Variants in CECR2 observed in about 807,000 individuals in gnomAD.
The protein encoded by CECR2 is chromatin remodeling regulator CECR2.
Under a neutral mutation model 154.5 loss-of-function variants are expected in CECR2, and 30 were observed. That is an observed-to-expected ratio of 0.19 (90% CI 0.15 to 0.26). The LOEUF (loss-of-function observed/expected upper bound fraction) is 0.26, where lower values mean the gene tolerates loss of function less well. Among genes scored for constraint, CECR2 ranks in the 10% least tolerant of loss-of-function variants. CECR2 has a pLI of 1.00. For missense variants in CECR2, 1,743 were observed against 1,829.3 expected (o/e 0.95, Z 0.86); for synonymous variants, 725 against 683.7 (o/e 1.06, Z -0.94).
At chr22:17,391,713 ATAT>A (rs776550401) in intron 1 of CECR2, among the ~76,000 whole-genome samples, 44 of 152,382 alleles carry the variant, frequency 2.9e-4, no homozygotes, top group Middle Eastern at 3.4e-3. Context: ...GAATGATCAC[ATAT>A]TATTTTGAAA....
At chr22:17,544,947 G>A (rs778425311) in intron 16 of CECR2, among the ~76,000 whole-genome samples, 1 of 151,830 alleles carries the variant, frequency 6.6e-6, no homozygotes, top group Non-Finnish European at 1.5e-5. Flanking sequence ...ACTCCATCCT[G>A]GGCAACAGAG....
At chr22:17,468,012 C>T (rs2055062862) in intron 1 of CECR2, among the ~76,000 whole-genome samples, 1 of 152,176 alleles carries the variant, frequency 6.6e-6, no homozygotes, top group African/African-American at 2.4e-5. Context: ...TTAGGTCCTT[C>T]TTGGTAGAAG....
intron 9 of CECR2, among the ~76,000 whole-genome samples, chr22:17,524,692 C>CT (rs1188195849): frequency 0.11 from 4,798 of 44,332 alleles, 909 homozygotes; most frequent in East Asian, 0.14. Flanking sequence ...ATGCCTGGCC[C>CT]TTTTTTTTTT....
rs901417979 is a variant in CECR2 at position 17,421,528 on chromosome 22, T to A, written c.126+51619T>A. Among the ~76,000 whole-genome samples the A allele has an allele frequency of 2.2e-3, 305 of 138,830 alleles. 2 individuals carry two copies. Among genetic ancestry groups the A allele is most frequent in the African/African-American group, 7.7e-3 (288 of 37,446 alleles). 91.1% of individuals were successfully genotyped at this position (138,830 alleles called of 152,430 possible). On this transcript the variant is annotated intron_variant, in intron 1 of 18. Transcript: ENST00000262608. Reference sequence around the variant, plus strand: ...TACTTGGGAGGCTGAGGCAGGAGAATGGCGTGAACCCGGGAGGCGGAGCTT... The same window carrying A: ...TACTTGGGAGGCTGAGGCAGGAGAAAGGCGTGAACCCGGGAGGCGGAGCTT...
intron 1 of CECR2, among the ~76,000 whole-genome samples, chr22:17,414,173 T>A (rs4819583): frequency 6.8e-6 from 1 of 146,620 alleles, no homozygotes; most frequent in South Asian, 2.2e-4. Flanking sequence ...GGGATTTCAC[T>A]GTGTTAGCCA....
chr22:17,433,556 C>T (rs2054458707), intron 1 of CECR2, among the ~76,000 whole-genome samples: 2 of 152,266 alleles, frequency 1.3e-5, no homozygotes, highest in South Asian at 4.1e-4. Context: ...AGTAGTCCTC[C>T]CACCTCAGCC....
At chr22:17,519,505 A>G (rs755981672) in intron 8 of CECR2, among the ~76,000 whole-genome samples, 25 of 151,446 alleles carry the variant, frequency 1.7e-4, no homozygotes, top group Non-Finnish European at 3.2e-4. Flanking sequence ...TGAACCACCC[A>G]CCTCGGCCTC....
intron 1 of CECR2, among the ~76,000 whole-genome samples, chr22:17,430,783 C>T (rs141511885): frequency 0.011 from 1,747 of 152,152 alleles, 36 homozygotes; most frequent in African/African-American, 0.04. Context: ...AAAAACAGCT[C>T]ACTCCTTGGC....
chr22:17,552,024 G>C lies in CECR2; in HGVS notation c.4278-7G>C. On this transcript the variant is annotated splice_polypyrimidine_tract_variant and splice_region_variant and intron_variant, in intron 17 of 18. Transcript: ENST00000262608. ...AATTCTTCATTGCTTCTTTCTCGTGGCTGTAGAATGCAGATGCACCCGGTC... is the reference window on the plus strand; with the variant it reads ...AATTCTTCATTGCTTCTTTCTCGTGCCTGTAGAATGCAGATGCACCCGGTC... 2.5e-6 allele frequency: 4 copies of C among 1,613,072 alleles called. No homozygotes were observed. The highest frequency in any genetic ancestry group is 3.4e-6 in the Non-Finnish European group (4 of 1,179,110).
At chr22:17,551,577 G>C (rs775506649) in intron 17 of CECR2, among the ~76,000 whole-genome samples, 1 of 152,138 alleles carries the variant, frequency 6.6e-6, no homozygotes. Context: ...TTCGGGGGCT[G>C]AGGCAGGAGG....
intron 1 of CECR2, among the ~76,000 whole-genome samples, chr22:17,473,784 C>A (rs1434852872): frequency 6.6e-6 from 1 of 152,140 alleles, no homozygotes; most frequent in Admixed American, 6.6e-5. Context: ...ACATTGTTGT[C>A]AAAGAGATAT....
chr22:17,516,091 G>C (rs185134061), intron 8 of CECR2, among the ~76,000 whole-genome samples: 2 of 152,000 alleles, frequency 1.3e-5, no homozygotes, highest in African/African-American at 4.8e-5. Flanking sequence ...TGACTTCTTC[G>C]TGTAAAGGTT....
chr22:17,552,797 A>ATTTT (rs1352428603), intron 18 of CECR2, 38 bp from the exon 19 acceptor site: 4 of 941,976 alleles, frequency 4.2e-6, no homozygotes, highest in Non-Finnish European at 4.3e-6. Flanking sequence ...TAACAACCCA[A>ATTTT]TTTTTATTTT....
intron 2 of CECR2, among the ~76,000 whole-genome samples, chr22:17,482,643 C>G (rs959134981): frequency 6.6e-6 from 1 of 152,020 alleles, no homozygotes; most frequent in Non-Finnish European, 1.5e-5. Context: ...AAACGATCTT[C>G]CCACTTCAGC....
At chr22:17,485,096 A>C (rs947743868) in intron 2 of CECR2, among the ~76,000 whole-genome samples, 4 of 152,244 alleles carry the variant, frequency 2.6e-5, no homozygotes, top group Admixed American at 6.5e-5. Flanking sequence ...GATACTGGCC[A>C]GCATGTCCTA....
chr22:17,489,761 T>C (rs915308132), intron 2 of CECR2, among the ~76,000 whole-genome samples: 5 of 152,194 alleles, frequency 3.3e-5, no homozygotes, highest in African/African-American at 9.7e-5. Flanking sequence ...CCAGGCCTTA[T>C]CAACTTTTTA....
intron 1 of CECR2, among the ~76,000 whole-genome samples, chr22:17,462,783 A>G (rs1023216862): frequency 6.6e-6 from 1 of 152,084 alleles, no homozygotes; most frequent in Non-Finnish European, 1.5e-5. Context: ...TGTGGTGGCG[A>G]GCACCTGTAA....
intron 2 of CECR2, among the ~76,000 whole-genome samples, chr22:17,479,769 T>TC (rs1227329828): frequency 2.0e-5 from 3 of 149,158 alleles, no homozygotes; most frequent in African/African-American, 2.5e-5. Context: ...GTCTTTCTTT[T>TC]TTTTTTTTTT....
intron 9 of CECR2, among the ~76,000 whole-genome samples, chr22:17,533,720 G>GTTTC (rs1425566843): frequency 6.6e-6 from 1 of 151,606 alleles, no homozygotes; most frequent in Non-Finnish European, 1.5e-5. Context: ...TTGTTTGTTT[G>GTTTC]TTTGTTTGTT....
Sources: gnomAD v4.1 joint callset for allele counts (sites outside exome capture counted in the v4.1 genomes callset) on GRCh38, gnomAD v4.1.1 for gene constraint, MANE v1.5 for transcripts, NCBI Gene and HGNC (gene_info 2026-07-23, HGNC 2026-07-21) for gene names.